FHL1: variants seen among roughly 807,000 people sequenced by gnomAD.
FHL1 encodes four and a half LIM domains protein 1.
In FHL1, 1 loss-of-function variant was observed where a neutral mutation model predicts 20.3. That is an observed-to-expected ratio of 0.05 (90% confidence interval 0.02 to 0.23). The LOEUF is 0.23. Among genes scored for constraint, FHL1 ranks in the 10% least tolerant of loss-of-function variants. FHL1 has a pLI of 1.00. For missense variants in FHL1, 177 were observed against 234.0 expected (o/e 0.76, Z 1.59); for synonymous variants, 82 against 88.9 (o/e 0.92, Z 0.44).
At chrX:136,198,176 C>A (rs972137000) in intron 1 of FHL1, among the ~76,000 whole-genome samples, 1 of 108,472 alleles carries the variant, frequency 9.2e-6, no homozygotes, top group African/African-American at 3.4e-5. Context: ...CCCTCAGGAG[C>A]TGTTTCACAA....
intron 1 of FHL1, among the ~76,000 whole-genome samples, chrX:136,149,686 G>A (rs997029510): frequency 1.8e-5 from 2 of 111,643 alleles, no homozygotes; most frequent in Non-Finnish European, 3.8e-5. Flanking sequence ...GAAAAATTGT[G>A]TAAGATTTAA....
At chrX:136,176,373 G>A (rs2073002768) in intron 2 of FHL1, among the ~76,000 whole-genome samples, 1 of 112,300 alleles carries the variant, frequency 8.9e-6, no homozygotes. Context: ...AGATATACTT[G>A]TTTCTCTGCT....
rs2073960365 is a variant in FHL1, at chrX:136,209,856, T to C, written c.737-15T>C. ...TTCTCTTGTTTTCTTTTCTTTTCTT[T>C]TTTTTTCCCCCCAGGGTTTGGTAAA... On this transcript the variant is annotated splice_polypyrimidine_tract_variant and intron_variant, in intron 5 of 5. Transcript: ENST00000370683. The C allele has an allele frequency of 8.3e-7, 1 of 1,204,727 alleles. No homozygotes were observed. Among genetic ancestry groups the C allele is most frequent in the Admixed American group, 2.2e-5 (1 of 45,318 alleles).
intron 2 of FHL1, among the ~76,000 whole-genome samples, chrX:136,175,197 T>C (rs1459217700): frequency 1.8e-5 from 2 of 112,295 alleles, no homozygotes; most frequent in African/African-American, 6.5e-5. Flanking sequence ...TCAAGTTATA[T>C]CACAATGTAA....
intron 2 of FHL1, among the ~76,000 whole-genome samples, chrX:136,184,710 G>A (rs1214738460): frequency 9.0e-6 from 1 of 111,502 alleles, no homozygotes; most frequent in African/African-American, 3.3e-5. Context: ...TGTGAAAATT[G>A]TGTGAGTCAT....
intron 1 of FHL1, among the ~76,000 whole-genome samples, chrX:136,202,541 A>G (rs1238412205): frequency 3.6e-5 from 4 of 111,583 alleles, no homozygotes; most frequent in Non-Finnish European, 7.5e-5. Context: ...GTGGATCATG[A>G]GGTCAGGAGA....
chrX:136,172,603 C>T (rs1321818518), intron 2 of FHL1, among the ~76,000 whole-genome samples: 4 of 112,446 alleles, frequency 3.6e-5, no homozygotes, highest in Non-Finnish European at 7.5e-5. Flanking sequence ...CCCTGGGACC[C>T]GAAGGCCCTA....
At position 136,210,113 on chromosome X, in the gene FHL1, G is replaced by GGACCACTCTTCCCCT; in HGVS notation, c.*88_*89insGACCACTCTTCCCCT. The GGACCACTCTTCCCCT allele has an allele frequency of 1.8e-6, 2 of 1,123,671 alleles. No individual in the cohort carries two copies. Among genetic ancestry groups the GGACCACTCTTCCCCT allele is most frequent in the East Asian group, 3.0e-5 (1 of 33,490 alleles). 92.6% of individuals were successfully genotyped at this position (1,123,671 alleles called of 1,213,427 possible). ...CTGCCCTATACCATCAATAGGGGAA[G>GGACCACTCTTCCCCT]AGTGGTCCTTCCCTTCTTTAAAGTT... On this transcript the variant is annotated 3_prime_UTR_variant, in exon 6 of 6. Coordinates refer to ENST00000370683, the MANE Select transcript of FHL1 (RefSeq NM_001159699.2).
At chrX:136,203,942 A>G (rs945418222) in intron 1 of FHL1, among the ~76,000 whole-genome samples, 3 of 112,399 alleles carry the variant, frequency 2.7e-5, no homozygotes, top group Admixed American at 9.4e-5. Context: ...TTAACTTAGA[A>G]ATATTTGGAA....
chrX:136,160,233 GA>G (rs1264174810), intron 1 of FHL1, among the ~76,000 whole-genome samples: 1 of 110,415 alleles, frequency 9.1e-6, no homozygotes, highest in Non-Finnish European at 1.9e-5. Flanking sequence ...CAAAGGGAAA[GA>G]AAAAAACTGA....
At chrX:136,199,315 T>C (rs1045419366) in intron 1 of FHL1, among the ~76,000 whole-genome samples, 1 of 111,977 alleles carries the variant, frequency 8.9e-6, no homozygotes, top group Non-Finnish European at 1.9e-5. Flanking sequence ...TAGTTATACA[T>C]CAGTGACCCA....
chrX:136,198,422 A>G (rs1440739916), intron 1 of FHL1, among the ~76,000 whole-genome samples: 1 of 112,342 alleles, frequency 8.9e-6, no homozygotes, highest in Admixed American at 9.4e-5. Flanking sequence ...AATTGCACCA[A>G]ATTCTTATGT....
chrX:136,168,714 C>A (rs1009310721), upstream of FHL1, among the ~76,000 whole-genome samples: 4 of 111,567 alleles, frequency 3.6e-5, no homozygotes, highest in African/African-American at 1.3e-4. Flanking sequence ...TGACAACGAT[C>A]CTGACAATCG....
upstream of FHL1, among the ~76,000 whole-genome samples, chrX:136,195,661 T>G (rs918372416): frequency 1.1e-4 from 12 of 112,455 alleles, no homozygotes; most frequent in Non-Finnish European, 1.9e-5. Context: ...TAACTTTTCC[T>G]TAAACATTTG....
In FHL1 at chrX:136,210,279, T is replaced by C. The variant is rs779832234; in HGVS notation, c.*254T>C. 4.2e-6 allele frequency: 2 copies of C among 472,860 alleles called. No individual in the cohort carries two copies. Among genetic ancestry groups the C allele is most frequent in the Non-Finnish European group, 7.6e-6 (2 of 263,153 alleles). 39.0% of individuals were successfully genotyped at this position (472,860 alleles called of 1,213,427 possible). The stretch of plus-strand genomic sequence containing the variant: ...ATTTAAAAATGAAAACTTAGGTAGA[T>C]TGACTCTTCTGCATGTTTCTCATAG... On this transcript the variant is annotated 3_prime_UTR_variant, in exon 6 of 6. Transcript: ENST00000370683.
chrX:136,147,094 T>G (rs1196853761), upstream of FHL1: 1 of 247,455 alleles, frequency 4.0e-6, no homozygotes, highest in Admixed American at 5.2e-5. Context: ...CCCAGCCGCC[T>G]GCAGTGATTC....
At chrX:136,156,852 A>T (rs942151893) in intron 1 of FHL1, among the ~76,000 whole-genome samples, 5 of 111,235 alleles carry the variant, frequency 4.5e-5, no homozygotes, top group Non-Finnish European at 9.4e-5. Flanking sequence ...TGCCAGGTCT[A>T]GTTTTATGCG....
chrX:136,207,024 C>T lies in FHL1; in HGVS notation c.213C>T (p.His71=), dbSNP rs917304507. 1 of 1,209,220 alleles carries T rather than the reference C, an allele frequency of 8.3e-7. No homozygotes were observed. Among genetic ancestry groups the T allele is most frequent in the Admixed American group, 2.2e-5 (1 of 45,837 alleles). ...KPIGADSKEV[H]YKNRFWHDTC... is the part of the protein sequence containing the mutation. ...GTCTGCTTGGTTTCCAGGAGGTGCA[C>T]TATAAGAACCGCTTCTGGCATGACA... The change falls in exon 3 of 6, where the codon CAC becomes CAT. Residue 71 remains histidine (H), a synonymous_variant. Transcript: ENST00000370683.
intron 3 of FHL1, 62 bp downstream of exon 3, chrX:136,207,252 G>A: frequency 9.0e-7 from 1 of 1,109,717 alleles, no homozygotes; most frequent in Non-Finnish European, 1.2e-6. Flanking sequence ...ACGTGATGTG[G>A]GCTTGCTTAT....
Sources: allele counts gnomAD v4.1 joint callset (sites outside exome capture counted in the v4.1 genomes callset), GRCh38; gene constraint gnomAD v4.1.1; transcripts MANE v1.5; gene names NCBI Gene and HGNC (gene_info 2026-07-23, HGNC 2026-07-21).